CRISPLD1: variants seen among roughly 807,000 people sequenced by gnomAD.
CRISPLD1 encodes cysteine-rich secretory protein LCCL domain-containing 1.
A neutral mutation model predicts 77.5 loss-of-function variants in CRISPLD1; 60 were observed. That is an observed-to-expected ratio of 0.77 (90% CI 0.63 to 0.96). CRISPLD1 has a LOEUF of 0.96. Among genes scored for constraint, CRISPLD1 ranks in the 40% least tolerant of loss-of-function variants. CRISPLD1 has a pLI of 0.00. For synonymous variants in CRISPLD1, 195 were observed against 200.1 expected, an observed-to-expected ratio of 0.97 and a Z score of 0.22; for missense variants, 623 against 615.8, an observed-to-expected ratio of 1.01 and a Z score of -0.12.
chr8:75,020,739 A>G (rs1282427992), intron 12 of CRISPLD1, among the ~76,000 whole-genome samples: 2 of 152,242 alleles, frequency 1.3e-5, no homozygotes, highest in Non-Finnish European at 2.9e-5. Context: ...CTAAAGTGGC[A>G]TAACTCATAT....
chr8:75,014,400 A>G (rs1812990843), intron 5 of CRISPLD1, among the ~76,000 whole-genome samples: 1 of 152,136 alleles, frequency 6.6e-6, no homozygotes, highest in Non-Finnish European at 1.5e-5. Flanking sequence ...AGAGATTAAC[A>G]GCTATACATT....
intron 12 of CRISPLD1, among the ~76,000 whole-genome samples, chr8:75,023,785 T>G (rs540894849): frequency 2.7e-3 from 343 of 128,788 alleles, no homozygotes; most frequent in Non-Finnish European, 4.5e-3. Flanking sequence ...CTTTTAGTGA[T>G]GAGTGCGTGT....
chr8:75,019,158 A>G (rs751582732), intron 10 of CRISPLD1, among the ~76,000 whole-genome samples: 37 of 152,300 alleles, frequency 2.4e-4, no homozygotes, highest in Admixed American at 5.9e-4. Flanking sequence ...CACGTTATAG[A>G]TGATGAATAT....
chr8:74,985,696 T>C (rs138097130), intron 1 of CRISPLD1, among the ~76,000 whole-genome samples: 20 of 152,270 alleles, frequency 1.3e-4, no homozygotes, highest in African/African-American at 4.6e-4. Context: ...AGGGGTATTA[T>C]CTTGGATAAT....
At chr8:74,985,862 C>G in intron 1 of CRISPLD1, 64 bp from the exon 2 acceptor site, 1 of 1,058,386 alleles carries the variant, frequency 9.4e-7, no homozygotes, top group Non-Finnish European at 1.4e-6. Flanking sequence ...TTGTTTTGCT[C>G]GTGTTATTAG....
chr8:75,030,235 A>G (rs1813309906), intron 14 of CRISPLD1, among the ~76,000 whole-genome samples: 2 of 152,174 alleles, frequency 1.3e-5, no homozygotes, highest in Non-Finnish European at 2.9e-5. Flanking sequence ...GAGAACACAC[A>G]CATGTACACC....
At chr8:75,024,575 T>G (rs1813200982) in intron 12 of CRISPLD1, among the ~76,000 whole-genome samples, 2 of 152,068 alleles carry the variant, frequency 1.3e-5, no homozygotes, top group Non-Finnish European at 2.9e-5. Flanking sequence ...TCCACCCACC[T>G]CGGCCTCCCA....
chr8:75,005,272 A>C (rs541503802), intron 2 of CRISPLD1, among the ~76,000 whole-genome samples: 27 of 152,306 alleles, frequency 1.8e-4, no homozygotes, highest in African/African-American at 6.0e-4. Flanking sequence ...TGTGAAGTAC[A>C]AACAATGGAA....
intron 2 of CRISPLD1, among the ~76,000 whole-genome samples, chr8:75,002,309 C>A (rs960684272): frequency 2.0e-5 from 3 of 149,296 alleles, no homozygotes; most frequent in African/African-American, 7.5e-5. Flanking sequence ...ACATTAATTA[C>A]AGCAAATCAA....
chr8:75,005,432 T>C (rs1812812341), intron 2 of CRISPLD1, among the ~76,000 whole-genome samples: 1 of 152,076 alleles, frequency 6.6e-6, no homozygotes, highest in Non-Finnish European at 1.5e-5. Flanking sequence ...AAGAGAACTC[T>C]TCCAGGGTGT....
rs1812668231 is a variant in CRISPLD1 at position 74,997,789 on chromosome 8, C to T, written c.258+11544C>T. On this transcript the variant is annotated intron_variant, in intron 2 of 14. Transcript: ENST00000262207. ...AAAAAGTTAACCTTTTTCACTATTG[C>T]TGAGAATGAGATGAAGAAGGAAAGT... Among the ~76,000 whole-genome samples, 3 of 152,116 alleles carry T rather than the reference C, an allele frequency of 2.0e-5. 1 individual carries two copies. In the South Asian group the frequency reaches 6.2e-4, roughly 31 times the overall value.
chr8:75,025,870 A>G (rs1387671835), intron 13 of CRISPLD1, among the ~76,000 whole-genome samples: 1 of 152,200 alleles, frequency 6.6e-6, no homozygotes, highest in East Asian at 1.9e-4. Context: ...ACACATAATG[A>G]AATAGTCTGT....
chr8:74,985,058 T>C (rs1013005190), intron 1 of CRISPLD1, 138 bp downstream of exon 1: 7 of 151,816 alleles, frequency 4.6e-5, no homozygotes, highest in African/African-American at 1.7e-4. Context: ...GTGGGTGGGC[T>C]ACCCGGAAAG....
chr8:74,999,289 A>G (rs1297915780), intron 2 of CRISPLD1, among the ~76,000 whole-genome samples: 1 of 152,212 alleles, frequency 6.6e-6, no homozygotes, highest in African/African-American at 2.4e-5. Flanking sequence ...ACATTTGAAC[A>G]AGGACACAGT....
chr8:74,988,585 C>A (rs1812528877), intron 2 of CRISPLD1, among the ~76,000 whole-genome samples: 1 of 151,970 alleles, frequency 6.6e-6, no homozygotes, highest in Admixed American at 6.6e-5. Context: ...TCTGTAATTC[C>A]AACACTTGGA....
At chr8:74,988,389 T>C (rs1419444402) in intron 2 of CRISPLD1, among the ~76,000 whole-genome samples, 2 of 152,216 alleles carry the variant, frequency 1.3e-5, no homozygotes, top group Non-Finnish European at 2.9e-5. Context: ...GTGTCTGTCA[T>C]TTCATGTTAA....
At chr8:74,992,905 G>GTTT (rs771210880) in intron 2 of CRISPLD1, among the ~76,000 whole-genome samples, 146 of 115,166 alleles carry the variant, frequency 1.3e-3, no homozygotes, top group African/African-American at 3.1e-3. Flanking sequence ...AGAAATTATG[G>GTTT]TTTTTTTTTT....
intron 4 of CRISPLD1, among the ~76,000 whole-genome samples, chr8:75,013,708 T>C (rs896782558): frequency 3.9e-5 from 6 of 152,136 alleles, no homozygotes; most frequent in African/African-American, 1.2e-4. Flanking sequence ...GACATTAGGT[T>C]TGTGAGGATG....
In CRISPLD1 at chr8:74,984,511, G is replaced by C. The variant is rs1360216086; in HGVS notation, c.-472G>C. ...GCGAACGCGAGAGAGCGACGGAAGC[G>C]CTAGGCGCCTGGTTCTGCGCGTACT... is the stretch of plus-strand genomic sequence containing the variant. On this transcript the variant is annotated 5_prime_UTR_variant, in exon 1 of 15. Coordinates refer to ENST00000262207, the MANE Select transcript of CRISPLD1 (RefSeq NM_031461.6). 2 of 152,288 alleles carry C rather than the reference G, an allele frequency of 1.3e-5. No individual in the cohort carries two copies. Among genetic ancestry groups the C allele is most frequent in the Admixed American group, 6.5e-5 (1 of 15,290 alleles). 9.4% of individuals were successfully genotyped at this position (152,288 alleles called of 1,614,324 possible).
Sources: gnomAD v4.1 joint callset for allele counts (sites outside exome capture counted in the v4.1 genomes callset) on GRCh38, gnomAD v4.1.1 for gene constraint, MANE v1.5 for transcripts, NCBI Gene and HGNC (gene_info 2026-07-23, HGNC 2026-07-21) for gene names.